The following LIN7A variants were observed in gnomAD, a reference collection of about 807,000 sequenced individuals.
The protein encoded by LIN7A is lin-7 cell polarity scaffold A.
In LIN7A, 25 loss-of-function variants were observed where a neutral mutation model predicts 29.8. That is an observed-to-expected ratio of 0.84 (90% CI 0.61 to 1.17). LIN7A has a LOEUF of 1.17. Among genes scored for constraint, LIN7A ranks in the 50% most tolerant of loss-of-function variants. The pLI is 0.00. For missense variants in LIN7A, 239 were observed against 287.0 expected, an observed-to-expected ratio of 0.83 and a Z score of 1.21; for synonymous variants, 118 against 107.5, an observed-to-expected ratio of 1.10 and a Z score of -0.60.
At chr12:80,800,454 A>T (rs1345676190) in intron 5 of LIN7A, among the ~76,000 whole-genome samples, 2 of 125,830 alleles carry the variant, frequency 1.6e-5, no homozygotes, top group African/African-American at 5.9e-5. Flanking sequence ...GTGCCATTGC[A>T]CTCCAGCCTG....
chr12:80,849,000 T>G (rs1873204031), intron 2 of LIN7A, among the ~76,000 whole-genome samples: 1 of 152,170 alleles, frequency 6.6e-6, no homozygotes, highest in African/African-American at 2.4e-5. Flanking sequence ...TTCCCTGCAT[T>G]TTTGACTGGC....
intron 4 of LIN7A, among the ~76,000 whole-genome samples, chr12:80,842,447 T>G (rs924436820): frequency 6.6e-6 from 1 of 152,166 alleles, no homozygotes; most frequent in African/African-American, 2.4e-5. Flanking sequence ...GAACTTATAC[T>G]AAAGTAGTTA....
chr12:80,821,739 C>T (rs1332619123), intron 4 of LIN7A, among the ~76,000 whole-genome samples: 2 of 152,172 alleles, frequency 1.3e-5, no homozygotes, highest in Admixed American at 6.5e-5. Flanking sequence ...GGCGAGAGCC[C>T]CACCCTCTTG....
chr12:80,814,363 G>A (rs998580586), intron 4 of LIN7A, among the ~76,000 whole-genome samples: 1 of 152,096 alleles, frequency 6.6e-6, no homozygotes, highest in Non-Finnish European at 1.5e-5. Flanking sequence ...TGATTTGGTT[G>A]TCTACATACC....
intron 1 of LIN7A, among the ~76,000 whole-genome samples, chr12:80,890,328 G>A (rs1875557570): frequency 6.6e-6 from 1 of 152,054 alleles, no homozygotes. Context: ...AGGACATGAG[G>A]TTTTCGATTC....
intron 2 of LIN7A, among the ~76,000 whole-genome samples, chr12:80,867,215 G>A (rs1173533559): frequency 6.6e-6 from 1 of 152,098 alleles, no homozygotes; most frequent in African/African-American, 2.4e-5. Context: ...CCAAACTGTT[G>A]GGATTATAGA....
chr12:80,839,904 A>G (rs1481399848), intron 4 of LIN7A, among the ~76,000 whole-genome samples: 1 of 152,230 alleles, frequency 6.6e-6, no homozygotes, highest in East Asian at 1.9e-4. Flanking sequence ...TATACACTGT[A>G]TAGACAATTT....
intron 2 of LIN7A, among the ~76,000 whole-genome samples, chr12:80,849,454 A>G (rs1873225071): frequency 6.6e-6 from 1 of 151,806 alleles, no homozygotes; most frequent in African/African-American, 2.4e-5. Context: ...CCTTCATTCC[A>G]CCCTAGCTCA....
chr12:80,936,329 A>C (rs372129046), intron 1 of LIN7A: 2 of 152,436 alleles, frequency 1.3e-5, no homozygotes, highest in Non-Finnish European at 2.9e-5. Context: ...GCACCACAGA[A>C]CATCTGTTCT....
intron 4 of LIN7A, among the ~76,000 whole-genome samples, chr12:80,818,468 A>G (rs1871639770): frequency 6.6e-6 from 1 of 152,252 alleles, no homozygotes; most frequent in Non-Finnish European, 1.5e-5. Flanking sequence ...ACCAGCTAGT[A>G]AGTCGAACAG....
chr12:80,804,583 G>T (rs957838682), intron 5 of LIN7A, among the ~76,000 whole-genome samples: 2 of 151,638 alleles, frequency 1.3e-5, no homozygotes, highest in Non-Finnish European at 1.5e-5. Flanking sequence ...CTGCCATCAA[G>T]GCTGGAGTGC....
At chr12:80,889,514 G>T in intron 1 of LIN7A, 145 bp from the exon 2 acceptor site, 2 of 596,074 alleles carry the variant, frequency 3.4e-6, no homozygotes, top group Non-Finnish European at 2.9e-6. Context: ...TAGCTTTTTG[G>T]TCTCATCTTT....
At chr12:80,916,460 T>C (rs1877035020) in intron 1 of LIN7A, among the ~76,000 whole-genome samples, 1 of 152,148 alleles carries the variant, frequency 6.6e-6, no homozygotes, top group South Asian at 2.1e-4. Flanking sequence ...CTTTAGAACA[T>C]TACTGCCTCA....
chr12:80,867,149 G>A (rs1185329588), intron 2 of LIN7A, among the ~76,000 whole-genome samples: 1 of 152,070 alleles, frequency 6.6e-6, no homozygotes, highest in African/African-American at 2.4e-5. Context: ...ACAGGGTCTT[G>A]CCATGTTGAC....
chr12:80,876,661 A>G (rs1397373854), intron 2 of LIN7A, among the ~76,000 whole-genome samples: 2 of 152,220 alleles, frequency 1.3e-5, no homozygotes, highest in Non-Finnish European at 1.5e-5. Flanking sequence ...GTAAACACCA[A>G]TGATAACTGC....
At chr12:80,903,862 T>G (rs1472135507) in intron 1 of LIN7A, among the ~76,000 whole-genome samples, 2 of 152,246 alleles carry the variant, frequency 1.3e-5, no homozygotes, top group East Asian at 3.9e-4. Context: ...TTATATTTAT[T>G]GACTTTTTAA....
intron 4 of LIN7A, among the ~76,000 whole-genome samples, chr12:80,812,097 G>A (rs941117380): frequency 1.3e-5 from 2 of 152,136 alleles, no homozygotes; most frequent in East Asian, 1.9e-4. Flanking sequence ...TTAAAGTGGT[G>A]TCTTATTGTG....
rs554285076 is a variant in LIN7A at position 80,832,977 on chromosome 12, C to T, written c.483+12753G>A. On this transcript the variant is annotated intron_variant, in intron 4 of 5. Coordinates refer to ENST00000552864, the MANE Select transcript of LIN7A (RefSeq NM_004664.4). ...TTCTACAATGCACAGAATGGCCTCC[C>T]CCAGAAAGAATTATCCCATTCAAAA... Among the ~76,000 whole-genome samples, 77 of 152,000 alleles carry T rather than the reference C, an allele frequency of 5.1e-4. 1 individual carries two copies. In the South Asian group the frequency reaches 0.016, roughly 31 times the overall value.
chr12:80,935,627 T>A (rs1294798752), intron 1 of LIN7A: 1 of 204,998 alleles, frequency 4.9e-6, no homozygotes, highest in African/African-American at 2.3e-5. Context: ...CATATTTGAA[T>A]AAGATACGGA....
Sources: gnomAD v4.1 joint callset for allele counts (sites outside exome capture counted in the v4.1 genomes callset) on GRCh38, gnomAD v4.1.1 for gene constraint, MANE v1.5 for transcripts, NCBI Gene and HGNC (gene_info 2026-07-23, HGNC 2026-07-21) for gene names.